Variants in SGMS1 observed in about 807,000 individuals in gnomAD.
SGMS1 encodes phosphatidylcholine:ceramide cholinephosphotransferase 1.
Under a neutral mutation model 46.2 loss-of-function variants are expected in SGMS1, and 13 were observed. The observed-to-expected ratio is 0.28, with a 90% CI of 0.18 to 0.45. The LOEUF (loss-of-function observed/expected upper bound fraction) is 0.45, where lower values mean the gene tolerates loss of function less well. Among genes scored for constraint, SGMS1 ranks in the 20% least tolerant of loss-of-function variants. The probability of loss-of-function intolerance (pLI) is 1.00; values close to 1 mark genes in which losing one functional copy is unlikely to be tolerated. For synonymous variants in SGMS1, 203 were observed against 187.8 expected, an observed-to-expected ratio of 1.08 and a Z score of -0.66; for missense variants, 324 against 519.9, an observed-to-expected ratio of 0.62 and a Z score of 3.66.
At chr10:50,438,063 G>C (rs1295109897) in intron 5 of SGMS1, among the ~76,000 whole-genome samples, 2 of 152,240 alleles carry the variant, frequency 1.3e-5, no homozygotes, top group African/African-American at 4.8e-5. Flanking sequence ...GAAGGGATGA[G>C]AAACACGCTG....
intron 2 of SGMS1, among the ~76,000 whole-genome samples, chr10:50,526,757 A>G (rs1837905032): frequency 6.6e-6 from 1 of 152,106 alleles, no homozygotes; most frequent in South Asian, 2.1e-4. Flanking sequence ...TGAGAGTAAT[A>G]TAACTTCAAG....
At chr10:50,483,638 T>G (rs996816201) in intron 3 of SGMS1, among the ~76,000 whole-genome samples, 4 of 152,138 alleles carry the variant, frequency 2.6e-5, no homozygotes, top group Non-Finnish European at 5.9e-5. Context: ...ATTACATAAT[T>G]AGAAGTAAAA....
At chr10:50,405,634 G>T (rs1436576673) in intron 6 of SGMS1, among the ~76,000 whole-genome samples, 1 of 152,058 alleles carries the variant, frequency 6.6e-6, no homozygotes, top group African/African-American at 2.4e-5. Flanking sequence ...ACAAATGAAA[G>T]AAAAATCCTA....
At chr10:50,377,864 C>G (rs972188231) in intron 6 of SGMS1, among the ~76,000 whole-genome samples, 1 of 152,204 alleles carries the variant, frequency 6.6e-6, no homozygotes, top group East Asian at 1.9e-4. Context: ...TCACTCCTAT[C>G]TCTGCCTTCA....
chr10:50,487,611 A>C (rs1156321891), intron 3 of SGMS1, among the ~76,000 whole-genome samples: 1 of 152,244 alleles, frequency 6.6e-6, no homozygotes, highest in Non-Finnish European at 1.5e-5. Flanking sequence ...CTTATCTTAT[A>C]AATTCATTCA....
intron 5 of SGMS1, among the ~76,000 whole-genome samples, chr10:50,438,547 A>G (rs1408266467): frequency 6.6e-6 from 1 of 152,184 alleles, no homozygotes; most frequent in Non-Finnish European, 1.5e-5. Context: ...TGGCCTTGCT[A>G]AGTACCTTGC....
At chr10:50,401,893 T>G (rs1278438197) in intron 6 of SGMS1, among the ~76,000 whole-genome samples, 1 of 152,236 alleles carries the variant, frequency 6.6e-6, no homozygotes, top group African/African-American at 2.4e-5. Flanking sequence ...AAAGACAAAT[T>G]CACAAATGAA....
chr10:50,407,103 T>C (rs1849025796), intron 6 of SGMS1, among the ~76,000 whole-genome samples: 1 of 152,122 alleles, frequency 6.6e-6, no homozygotes, highest in South Asian at 2.1e-4. Flanking sequence ...ATACTCCCTT[T>C]ACTAGTAGCA....
At chr10:50,567,591 C>A (rs572098127) in intron 2 of SGMS1, among the ~76,000 whole-genome samples, 2 of 152,200 alleles carry the variant, frequency 1.3e-5, no homozygotes, top group East Asian at 1.9e-4. Flanking sequence ...TCCTATTATA[C>A]GGGGCAGGCG....
At chr10:50,571,715 G>A (rs1157029613) in intron 2 of SGMS1, among the ~76,000 whole-genome samples, 1 of 152,106 alleles carries the variant, frequency 6.6e-6, no homozygotes, top group Non-Finnish European at 1.5e-5. Context: ...GTATATTTAT[G>A]TGGGTATAAA....
At chr10:50,396,770 C>T (rs1056628010) in intron 6 of SGMS1, among the ~76,000 whole-genome samples, 2 of 152,260 alleles carry the variant, frequency 1.3e-5, no homozygotes, top group African/African-American at 2.4e-5. Context: ...CCCACCCCAC[C>T]CACAAGTGGC....
intron 2 of SGMS1, among the ~76,000 whole-genome samples, chr10:50,536,432 G>T (rs1838002898): frequency 6.6e-6 from 1 of 152,170 alleles, no homozygotes; most frequent in Admixed American, 6.5e-5. Flanking sequence ...TAATTATTGA[G>T]ATTTTAAATG....
At chr10:50,523,979 G>C (rs983092553) in intron 2 of SGMS1, among the ~76,000 whole-genome samples, 2 of 152,128 alleles carry the variant, frequency 1.3e-5, no homozygotes, top group African/African-American at 4.8e-5. Flanking sequence ...GCTACTTCTT[G>C]GGCAGAATTT....
chr10:50,316,006 C>T (rs544112999), intron 8 of SGMS1, among the ~76,000 whole-genome samples: 57 of 152,132 alleles, frequency 3.7e-4, no homozygotes, highest in Non-Finnish European at 6.6e-4. Flanking sequence ...AACCAGTGAG[C>T]CTTTGGTTAT....
At chr10:50,495,257 G>A (rs956650294) in intron 3 of SGMS1, among the ~76,000 whole-genome samples, 24 of 90,952 alleles carry the variant, frequency 2.6e-4, no homozygotes, top group African/African-American at 2.6e-4. Context: ...AAAAAAAAAA[G>A]TTAAGAAAAA....
intron 6 of SGMS1, among the ~76,000 whole-genome samples, chr10:50,380,467 G>A (rs148565705): frequency 0.013 from 1,953 of 152,060 alleles, 30 homozygotes; most frequent in Non-Finnish European, 0.02. Flanking sequence ...TAGGGATGGC[G>A]CTACCCAGGT....
chr10:50,517,308 G>A (rs984592468), intron 3 of SGMS1, among the ~76,000 whole-genome samples: 1 of 152,064 alleles, frequency 6.6e-6, no homozygotes, highest in Non-Finnish European at 1.5e-5. Context: ...GCCAAAAAAT[G>A]AGCAAGCAAA....
intron 2 of SGMS1, among the ~76,000 whole-genome samples, chr10:50,568,925 A>T (rs906851574): frequency 6.6e-6 from 1 of 152,122 alleles, no homozygotes; most frequent in African/African-American, 2.4e-5. Flanking sequence ...CAGGCTGGAT[A>T]AAGAAAATGT....
chr10:50,574,965 A>G (rs773753787), intron 2 of SGMS1, among the ~76,000 whole-genome samples: 16 of 137,982 alleles, frequency 1.2e-4, no homozygotes, highest in Non-Finnish European at 1.8e-4. Flanking sequence ...AATGTGGTGT[A>G]TATATATATA....
Sources: allele counts gnomAD v4.1 joint callset (sites outside exome capture counted in the v4.1 genomes callset), GRCh38; gene constraint gnomAD v4.1.1; transcripts MANE v1.5; gene names NCBI Gene and HGNC (gene_info 2026-07-23, HGNC 2026-07-21).